The following HCN1 variants were observed in gnomAD, a reference collection of about 807,000 sequenced individuals.
HCN1 encodes the protein hyperpolarization activated cyclic nucleotide gated potassium channel 1.
A neutral mutation model predicts 78.9 loss-of-function variants in HCN1; 13 were observed. That is an observed-to-expected ratio of 0.16 (90% confidence interval 0.11 to 0.26). HCN1 has a LOEUF of 0.26. HCN1 is among the 10% of genes least tolerant of loss of function. HCN1 has a pLI of 1.00. For synonymous variants in HCN1, 552 were observed against 455.5 expected, an observed-to-expected ratio of 1.21 and a Z score of -2.70; for missense variants, 810 against 1,154.3, an observed-to-expected ratio of 0.70 and a Z score of 4.32.
chr5:45,423,430 C>T (rs1173833613), intron 3 of HCN1, among the ~76,000 whole-genome samples: 2 of 152,116 alleles, frequency 1.3e-5, no homozygotes, highest in African/African-American at 2.4e-5. Flanking sequence ...TTCAATCACC[C>T]TTCACAAAGC....
At chr5:45,544,814 A>G (rs975101244) in intron 2 of HCN1, among the ~76,000 whole-genome samples, 52 of 152,084 alleles carry the variant, frequency 3.4e-4, no homozygotes, top group Non-Finnish European at 3.1e-4. Flanking sequence ...ATTCCATGGT[A>G]TGTATGTGTC....
chr5:45,507,531 C>G (rs1479352485), intron 2 of HCN1, among the ~76,000 whole-genome samples: 2 of 152,000 alleles, frequency 1.3e-5, no homozygotes, highest in South Asian at 2.1e-4. Context: ...CCCACTAAAA[C>G]TATGATGGAA....
intron 2 of HCN1, among the ~76,000 whole-genome samples, chr5:45,491,603 C>A (rs1382176617): frequency 1.3e-5 from 2 of 152,096 alleles, no homozygotes; most frequent in Non-Finnish European, 2.9e-5. Flanking sequence ...CATTTGTTTA[C>A]TTACTTATTC....
intron 1 of HCN1, among the ~76,000 whole-genome samples, chr5:45,652,527 T>G (rs1027942074): frequency 2.0e-5 from 3 of 151,976 alleles, no homozygotes; most frequent in Non-Finnish European, 4.4e-5. Context: ...GTTTAACTAA[T>G]ATGTTAAGGT....
At chr5:45,575,709 GAA>G (rs566962157) in intron 2 of HCN1, 1 of 151,936 alleles carries the variant, frequency 6.6e-6, no homozygotes, top group Non-Finnish European at 1.5e-5. Flanking sequence ...CTACTGCTCA[GAA>G]AAAAAGATTT....
chr5:45,299,928 A>T (rs1745576234), intron 6 of HCN1, among the ~76,000 whole-genome samples: 1 of 151,994 alleles, frequency 6.6e-6, no homozygotes, highest in Non-Finnish European at 1.5e-5. Flanking sequence ...ATGTTAAAGA[A>T]ATATTACATC....
chr5:45,695,292 C>A (rs1227574738), intron 1 of HCN1, among the ~76,000 whole-genome samples: 1 of 152,146 alleles, frequency 6.6e-6, no homozygotes, highest in African/African-American at 2.4e-5. Flanking sequence ...CTTGAGGGAG[C>A]CGCGCGAGGA....
intron 1 of HCN1, among the ~76,000 whole-genome samples, chr5:45,683,710 A>C (rs1366679649): frequency 6.6e-6 from 1 of 150,688 alleles, no homozygotes; most frequent in Non-Finnish European, 1.5e-5. Context: ...TTTGTCATTT[A>C]GCCTGGATGG....
chr5:45,628,991 A>AT (rs1433154382), intron 2 of HCN1, among the ~76,000 whole-genome samples: 9 of 151,472 alleles, frequency 5.9e-5, no homozygotes, highest in East Asian at 1.9e-4. Context: ...AAAATAAAAA[A>AT]AAAAAAGAAA....
At chr5:45,682,631 AAAAC>A (rs1489402409) in intron 1 of HCN1, among the ~76,000 whole-genome samples, 6 of 152,076 alleles carry the variant, frequency 3.9e-5, no homozygotes, top group African/African-American at 7.2e-5. Flanking sequence ...AAACAGTAAA[AAAAC>A]AAACAAACAA....
chr5:45,373,680 A>T (rs2112011814), intron 4 of HCN1, among the ~76,000 whole-genome samples: 1 of 123,878 alleles, frequency 8.1e-6, no homozygotes, highest in African/African-American at 3.2e-5. Context: ...CGTCATCTAT[A>T]ATATATTACA....
intron 4 of HCN1, 103 bp from the exon 5 acceptor site, chr5:45,353,349 T>C (rs893441372): frequency 3.5e-6 from 3 of 866,192 alleles, no homozygotes; most frequent in Non-Finnish European, 5.5e-6. Context: ...AATACTCAGT[T>C]ACAAAAAAAA....
chr5:45,587,414 C>A (rs532750312), intron 2 of HCN1, among the ~76,000 whole-genome samples: 1 of 152,248 alleles, frequency 6.6e-6, no homozygotes, highest in African/African-American at 2.4e-5. Context: ...ATGGATGAAG[C>A]TGGAAACCAT....
chr5:45,578,573 G>T (rs1394752517), intron 2 of HCN1, among the ~76,000 whole-genome samples: 2 of 151,946 alleles, frequency 1.3e-5, no homozygotes, highest in Non-Finnish European at 2.9e-5. Context: ...TTTAGAGATT[G>T]CATGACTCCT....
At chr5:45,684,947 T>C (rs1343067476) in intron 1 of HCN1, among the ~76,000 whole-genome samples, 1 of 152,168 alleles carries the variant, frequency 6.6e-6, no homozygotes, top group African/African-American at 2.4e-5. Context: ...ACAACCTAGG[T>C]AGTGTAAATT....
At chr5:45,479,878 A>G (rs1447133220) in intron 2 of HCN1, among the ~76,000 whole-genome samples, 1 of 152,170 alleles carries the variant, frequency 6.6e-6, no homozygotes, top group Non-Finnish European at 1.5e-5. Flanking sequence ...CATTTCACAT[A>G]CCATTTCTTC....
Position 45,259,550 on chromosome 5 carries a change from T to C in HCN1, c.*2371A>G, listed in dbSNP as rs2111834294. On this transcript the variant is annotated 3_prime_UTR_variant, in exon 8 of 8. Coordinates refer to ENST00000303230, the MANE Select transcript of HCN1 (RefSeq NM_021072.4). Reference sequence around the variant, plus strand: ...TCATTTTTTTTTCTTAATCTAAGTATATATACATTCATACATATATGTATA... The same window carrying C: ...TCATTTTTTTTTCTTAATCTAAGTACATATACATTCATACATATATGTATA... 1 of 152,386 alleles carries C rather than the reference T, an allele frequency of 6.6e-6. No homozygotes were observed. The highest frequency in any genetic ancestry group is 2.4e-5 in the African/African-American group (1 of 41,544). 9.4% of individuals were successfully genotyped at this position (152,386 alleles called of 1,614,324 possible).
chr5:45,379,295 C>G (rs944406621), intron 4 of HCN1, among the ~76,000 whole-genome samples: 1 of 152,032 alleles, frequency 6.6e-6, no homozygotes, highest in Admixed American at 6.6e-5. Context: ...TGTTTCCTGA[C>G]TTTTTAATGA....
intron 3 of HCN1, among the ~76,000 whole-genome samples, chr5:45,402,860 C>CTTCCTTCT (rs1287041704): frequency 4.9e-5 from 7 of 144,006 alleles, no homozygotes; most frequent in African/African-American, 1.8e-4. Context: ...TCCTTCCTTC[C>CTTCCTTCT]TTCCTCTACT....
Sources: gnomAD v4.1 joint callset for allele counts (sites outside exome capture counted in the v4.1 genomes callset) on GRCh38, gnomAD v4.1.1 for gene constraint, MANE v1.5 for transcripts, NCBI Gene and HGNC (gene_info 2026-07-23, HGNC 2026-07-21) for gene names.